Variants in MLLT10 observed in about 807,000 individuals in gnomAD.
MLLT10 encodes the protein MLLT10 histone lysine methyltransferase DOT1L cofactor, also known as protein AF-10.
MLLT10 carries 30 observed loss-of-function variants against 129.1 expected under a neutral mutation model. That is an observed-to-expected ratio of 0.23 (90% confidence interval 0.17 to 0.32). MLLT10 has a LOEUF of 0.32. Among genes scored for constraint, MLLT10 ranks in the 10% least tolerant of loss-of-function variants. MLLT10 has a pLI of 1.00. For missense variants in MLLT10, 1,119 were observed against 1,268.3 expected, an observed-to-expected ratio of 0.88 and a Z score of 1.79; for synonymous variants, 490 against 446.4, an observed-to-expected ratio of 1.10 and a Z score of -1.23.
At chr10:21,702,052 G>C (rs541612136) in intron 13 of MLLT10, among the ~76,000 whole-genome samples, 1 of 151,878 alleles carries the variant, frequency 6.6e-6, no homozygotes, top group South Asian at 2.1e-4. Context: ...TCAGCCTCCC[G>C]AGTAGCTAGG....
intron 3 of MLLT10, among the ~76,000 whole-genome samples, chr10:21,544,609 A>G (rs1402227318): frequency 2.0e-5 from 3 of 152,208 alleles, no homozygotes; most frequent in African/African-American, 7.2e-5. Context: ...TGCTATTACT[A>G]TAAAGATGTG....
At chr10:21,652,134 G>C (rs1452346310) in intron 9 of MLLT10, among the ~76,000 whole-genome samples, 1 of 151,690 alleles carries the variant, frequency 6.6e-6, no homozygotes. Flanking sequence ...GGATGGTCTC[G>C]ATCTCCTGAC....
intron 8 of MLLT10, among the ~76,000 whole-genome samples, chr10:21,628,422 A>G (rs1164701274): frequency 6.9e-6 from 1 of 145,560 alleles, no homozygotes; most frequent in Non-Finnish European, 1.5e-5. Context: ...AAGCTGAAGG[A>G]TGCTCTCTCT....
intron 3 of MLLT10, among the ~76,000 whole-genome samples, chr10:21,546,771 A>G (rs907135617): frequency 2.0e-5 from 3 of 149,660 alleles, no homozygotes; most frequent in African/African-American, 7.4e-5. Flanking sequence ...GCTCTTTCCC[A>G]GGCTGGAGTG....
intron 15 of MLLT10, 53 bp from the exon 16 acceptor site, chr10:21,727,790 GCAAGAGTTTAAAA>G: frequency 8.0e-7 from 1 of 1,256,054 alleles, no homozygotes; most frequent in Non-Finnish European, 1.2e-6. Context: ...AAAAATCAGG[GCAAGAGTTTAAAA>G]CCTCTTATCT....
chr10:21,713,431 T>C (rs368840959), intron 13 of MLLT10, among the ~76,000 whole-genome samples: 1 of 152,256 alleles, frequency 6.6e-6, no homozygotes. Context: ...GTGATTTTTA[T>C]GGAACTCTAA....
At chr10:21,635,820 G>A (rs991199339) in intron 8 of MLLT10, among the ~76,000 whole-genome samples, 6 of 150,666 alleles carry the variant, frequency 4.0e-5, no homozygotes, top group Admixed American at 1.3e-4. Context: ...TCCGCCTCCC[G>A]GGTTCAAGAG....
chr10:21,685,935 A>C (rs1276781383), intron 13 of MLLT10, among the ~76,000 whole-genome samples: 1 of 152,228 alleles, frequency 6.6e-6, no homozygotes, highest in Non-Finnish European at 1.5e-5. Context: ...ATAAAAGCCA[A>C]CTTCTAAAAT....
intron 8 of MLLT10, among the ~76,000 whole-genome samples, chr10:21,630,993 C>A (rs2046945339): frequency 6.6e-6 from 1 of 152,122 alleles, no homozygotes; most frequent in South Asian, 2.1e-4. Flanking sequence ...TTACCAAGAT[C>A]ACATGTAGCA....
Position 21,587,947 on chromosome 10 carries a change from A to G in MLLT10, c.295+1599A>G, listed in dbSNP as rs546763737. Among the ~76,000 whole-genome samples, 55 of 152,348 alleles carry G rather than the reference A, an allele frequency of 3.6e-4. 3 individuals carry two copies. The South Asian group carries it at 0.011, about 30-fold the overall frequency. ...GGTTTCTTTTGCATATTCAAATGTG[A>G]ATAAAGACTTATTTACTCCCTCCAT... On this transcript the variant is annotated intron_variant, in intron 4 of 22. Coordinates refer to ENST00000307729, the MANE Select transcript of MLLT10 (RefSeq NM_001195626.3).
At chr10:21,717,760 CCT>C (rs1252987859) in intron 14 of MLLT10, among the ~76,000 whole-genome samples, 1 of 143,838 alleles carries the variant, frequency 7.0e-6, no homozygotes, top group Non-Finnish European at 1.5e-5. Flanking sequence ...TCCTCCTCCT[CCT>C]CCTCCGCTGC....
At chr10:21,727,400 T>A (rs1454660052) in intron 15 of MLLT10, among the ~76,000 whole-genome samples, 1 of 152,212 alleles carries the variant, frequency 6.6e-6, no homozygotes, top group African/African-American at 2.4e-5. Context: ...ACACCATAAT[T>A]TTAGTCTTGG....
intron 22 of MLLT10, among the ~76,000 whole-genome samples, chr10:21,741,012 G>A (rs1259429085): frequency 1.3e-5 from 2 of 152,190 alleles, no homozygotes; most frequent in Non-Finnish European, 2.9e-5. Context: ...GCAAATGAGT[G>A]TTCAAAGTTG....
At chr10:21,612,554 T>C (rs971843453) in intron 6 of MLLT10, 103 bp downstream of exon 6, 2 of 591,640 alleles carry the variant, frequency 3.4e-6, no homozygotes, top group Admixed American at 6.6e-5. Flanking sequence ...TATGGTAAAC[T>C]TTATTGGTAT....
At chr10:21,574,177 C>G (rs1236944702) in intron 3 of MLLT10, among the ~76,000 whole-genome samples, 1 of 152,056 alleles carries the variant, frequency 6.6e-6, no homozygotes, top group Admixed American at 6.6e-5. Flanking sequence ...CTCAGATTTT[C>G]TGTTTTATCA....
intron 13 of MLLT10, among the ~76,000 whole-genome samples, chr10:21,696,302 T>C (rs2054354936): frequency 6.6e-6 from 1 of 152,196 alleles, no homozygotes; most frequent in Non-Finnish European, 1.5e-5. Flanking sequence ...TATTTGTTTT[T>C]AGGTAATATT....
At chr10:21,734,291 T>G (rs1298580094) in intron 20 of MLLT10, among the ~76,000 whole-genome samples, 162 bp downstream of exon 20, 2 of 152,182 alleles carry the variant, frequency 1.3e-5, no homozygotes, top group Admixed American at 1.3e-4. Flanking sequence ...TTTTGAAACT[T>G]AAGTAATTTA....
Position 21,580,538 on chromosome 10 carries a change from G to A in MLLT10, c.241-5756G>A, listed in dbSNP as rs1385219656. The stretch of plus-strand genomic sequence containing the variant: ...TGAGTAGTGGGGACTACAGGCGCCC[G>A]CCACCACGCCTGGCTAACTTTTTTT... On this transcript the variant is annotated intron_variant, in intron 3 of 22. Coordinates refer to ENST00000307729, the MANE Select transcript of MLLT10 (RefSeq NM_001195626.3). Among the ~76,000 whole-genome samples, 8 of 151,308 alleles carry A rather than the reference G, an allele frequency of 5.3e-5. No homozygotes were observed. In the South Asian group the frequency reaches 6.3e-4, roughly 12 times the overall value.
At chr10:21,653,600 C>T (rs1589446286) in intron 9 of MLLT10, among the ~76,000 whole-genome samples, 1 of 152,140 alleles carries the variant, frequency 6.6e-6, no homozygotes, top group Non-Finnish European at 1.5e-5. Flanking sequence ...ATTTTAAAAT[C>T]CTTAAGTTTA....
Sources: gnomAD v4.1 joint callset for allele counts (sites outside exome capture counted in the v4.1 genomes callset) on GRCh38, gnomAD v4.1.1 for gene constraint, MANE v1.5 for transcripts, NCBI Gene and HGNC (gene_info 2026-07-23, HGNC 2026-07-21) for gene names.